OSBPL8: variants seen among roughly 807,000 people sequenced by gnomAD.
The protein encoded by OSBPL8 is oxysterol binding protein like 8.
A neutral mutation model predicts 125.5 loss-of-function variants in OSBPL8; 59 were observed. The observed-to-expected ratio is 0.47, with a 90% confidence interval of 0.38 to 0.58. OSBPL8 has a LOEUF of 0.58. Among genes scored for constraint, OSBPL8 ranks in the 20% least tolerant of loss-of-function variants. The pLI, the probability that OSBPL8 is intolerant of heterozygous loss-of-function variation, is 0.00. For missense variants in OSBPL8, 758 were observed against 1,047.8 expected (o/e 0.72, Z 3.82); for synonymous variants, 330 against 338.9 (o/e 0.97, Z 0.29).
intron 15 of OSBPL8, among the ~76,000 whole-genome samples, chr12:76,379,559 T>C (rs1952958762): frequency 1.3e-5 from 2 of 152,198 alleles, no homozygotes; most frequent in Non-Finnish European, 2.9e-5. Context: ...AGGACACCAA[T>C]GGTGCATTTT....
At chr12:76,509,751 G>A (rs7980062) in intron 1 of OSBPL8, among the ~76,000 whole-genome samples, 75,418 of 151,944 alleles carry the variant, frequency 0.5, 20,186 homozygotes, top group African/African-American at 0.68. Context: ...GAGGTGTGCC[G>A]TGCAAGCTAT....
At chr12:76,388,865 A>G (rs1188284765) in intron 12 of OSBPL8, among the ~76,000 whole-genome samples, 2 of 152,088 alleles carry the variant, frequency 1.3e-5, no homozygotes, top group Middle Eastern at 3.2e-3. Flanking sequence ...ATTTTTTTCA[A>G]TGTTCGCTCA....
intron 4 of OSBPL8, among the ~76,000 whole-genome samples, chr12:76,431,114 G>A (rs1294286915): frequency 1.3e-5 from 2 of 152,058 alleles, no homozygotes; most frequent in African/African-American, 2.4e-5. Flanking sequence ...AATTACATAA[G>A]TATGAGGTGG....
At chr12:76,448,129 T>C (rs764967390) in intron 4 of OSBPL8, among the ~76,000 whole-genome samples, 2 of 152,168 alleles carry the variant, frequency 1.3e-5, no homozygotes, top group South Asian at 2.1e-4. Context: ...ATTAAGTATT[T>C]TGGGGTACGT....
chr12:76,435,478 T>C (rs1259866664), intron 4 of OSBPL8, among the ~76,000 whole-genome samples: 1 of 152,078 alleles, frequency 6.6e-6, no homozygotes, highest in Non-Finnish European at 1.5e-5. Context: ...GGATCTAATA[T>C]ATGCATAGTT....
chr12:76,472,746 C>T (rs1282498539), intron 2 of OSBPL8, among the ~76,000 whole-genome samples: 2 of 152,108 alleles, frequency 1.3e-5, no homozygotes, highest in African/African-American at 4.8e-5. Context: ...ACTAATTTTG[C>T]TAATATTATC....
intron 4 of OSBPL8, among the ~76,000 whole-genome samples, chr12:76,414,971 G>A (rs578185691): frequency 4.6e-5 from 7 of 152,090 alleles, no homozygotes; most frequent in East Asian, 3.9e-4. Flanking sequence ...TAGTCATAAC[G>A]CATTGTCCTC....
intron 4 of OSBPL8, among the ~76,000 whole-genome samples, chr12:76,440,711 T>A (rs1336020047): frequency 1.3e-5 from 2 of 152,166 alleles, no homozygotes; most frequent in African/African-American, 4.8e-5. Context: ...ATCCAGTTCA[T>A]TAACTAAGTA....
At chr12:76,382,179 G>C (rs1349433351) in intron 15 of OSBPL8, among the ~76,000 whole-genome samples, 1 of 152,080 alleles carries the variant, frequency 6.6e-6, no homozygotes, top group Non-Finnish European at 1.5e-5. Context: ...TTGGGTTTTA[G>C]TCTATCATTT....
intron 21 of OSBPL8, among the ~76,000 whole-genome samples, chr12:76,364,961 C>T (rs1330325234): frequency 6.6e-6 from 1 of 151,994 alleles, no homozygotes; most frequent in Non-Finnish European, 1.5e-5. Context: ...TTTAGTAGTA[C>T]AGTTACGTCC....
chr12:76,484,514 T>C (rs1877915155), intron 2 of OSBPL8, among the ~76,000 whole-genome samples: 2 of 152,242 alleles, frequency 1.3e-5, no homozygotes, highest in Admixed American at 6.5e-5. Context: ...AGCCTTGTAA[T>C]AGGCACTTCA....
chr12:76,526,981 T>C (rs925030139), intron 1 of OSBPL8, among the ~76,000 whole-genome samples: 1 of 152,020 alleles, frequency 6.6e-6, no homozygotes, highest in South Asian at 2.1e-4. Flanking sequence ...CAGAGCTCTA[T>C]TGAGAACTAA....
intron 1 of OSBPL8, among the ~76,000 whole-genome samples, chr12:76,515,581 T>G (rs952974952): frequency 2.0e-5 from 3 of 152,156 alleles, no homozygotes; most frequent in African/African-American, 7.2e-5. Context: ...AGGTATAGAT[T>G]CCTCTTCCCC....
rs756747896 is a variant in OSBPL8 at position 76,459,909 on chromosome 12, G to GTAA, written c.43-17_43-15dup. ...ATCACCAAGAAGCTTTTAAGGCAGG[G>GTAA]TAATTGAGCAGCAAACAAATACAGT... On this transcript the variant is annotated splice_polypyrimidine_tract_variant and intron_variant, in intron 2 of 23. Transcript: ENST00000261183. 1 of 1,613,476 alleles carries GTAA rather than the reference G, an allele frequency of 6.2e-7. No individual in the cohort carries two copies. Among genetic ancestry groups the GTAA allele is most frequent in the East Asian group, 2.2e-5 (1 of 44,858 alleles).
At chr12:76,472,779 A>C (rs899271760) in intron 2 of OSBPL8, among the ~76,000 whole-genome samples, 4 of 152,202 alleles carry the variant, frequency 2.6e-5, no homozygotes, top group Admixed American at 2.6e-4. Flanking sequence ...CCAGGTGTAC[A>C]GGATGGAACA....
At chr12:76,379,641 A>C (rs1490635208) in intron 15 of OSBPL8, among the ~76,000 whole-genome samples, 1 of 152,118 alleles carries the variant, frequency 6.6e-6, no homozygotes, top group African/African-American at 2.4e-5. Context: ...GCTGTGTTTT[A>C]CTTCCTTCAA....
rs753046355 is a variant in OSBPL8 at position 76,369,596 on chromosome 12, G to A, written c.2240+41C>T. 4 of 1,565,866 alleles carry A rather than the reference G, an allele frequency of 2.6e-6. No individual in the cohort carries two copies. The African/African-American group carries it at 5.4e-5, about 21-fold the overall frequency. ...TCTAGAAATAAAGGCAACAAACCAT[G>A]CTAATACATTGTTTGAAATAAACTA... On this transcript the variant is annotated intron_variant, in intron 20 of 23. Transcript: ENST00000261183.
intron 5 of OSBPL8, among the ~76,000 whole-genome samples, chr12:76,407,270 G>C (rs1954302917): frequency 1.3e-5 from 2 of 152,094 alleles, no homozygotes; most frequent in Non-Finnish European, 2.9e-5. Context: ...TTATATATTT[G>C]AGACAAGGTC....
rs1445770935 is a variant in OSBPL8 at position 76,352,828 on chromosome 12, T to C, written c.*3061A>G. 1 of 152,532 alleles carries C rather than the reference T, an allele frequency of 6.6e-6. No individual in the cohort carries two copies. Among genetic ancestry groups the C allele is most frequent in the East Asian group, 1.9e-4 (1 of 5,200 alleles). The allele number at this position is 152,532 out of a possible 1,614,324, so 9.4% of individuals were successfully genotyped here. A position where few individuals can be genotyped will look rare whatever the true frequency, so the allele number is the denominator to read the frequency against. On this transcript the variant is annotated 3_prime_UTR_variant, in exon 24 of 24. Transcript: ENST00000261183. ...TGCCTTCCACAAAATTTTGTGTGTA[T>C]ATGGCACAAGGTGACAGCCAAAAAG...
Sources: allele counts gnomAD v4.1 joint callset (sites outside exome capture counted in the v4.1 genomes callset), GRCh38; gene constraint gnomAD v4.1.1; transcripts MANE v1.5; gene names NCBI Gene and HGNC (gene_info 2026-07-23, HGNC 2026-07-21).